The following TPST1 variants were observed in gnomAD, a reference collection of about 807,000 sequenced individuals.
The protein encoded by TPST1 is tyrosylprotein sulfotransferase 1.
Under a neutral mutation model 34.8 loss-of-function variants are expected in TPST1, and 20 were observed. The ratio of observed to expected loss-of-function variants is 0.57; its 90% CI spans 0.40 to 0.84. TPST1 has a LOEUF of 0.84. TPST1 is among the 40% of genes least tolerant of loss of function. The pLI is 0.00. For synonymous variants in TPST1, 152 were observed against 159.4 expected, an observed-to-expected ratio of 0.95 and a Z score of 0.35; for missense variants, 353 against 455.5, an observed-to-expected ratio of 0.78 and a Z score of 2.05.
intron 2 of TPST1, among the ~76,000 whole-genome samples, chr7:66,276,112 A>G (rs1163534091): frequency 2.0e-5 from 3 of 151,822 alleles, no homozygotes; most frequent in African/African-American, 7.3e-5. Context: ...TTAAAGTGCA[A>G]TAATTTTAAT....
chr7:66,342,120 A>C (rs1792250392), intron 3 of TPST1, among the ~76,000 whole-genome samples: 1 of 152,224 alleles, frequency 6.6e-6, no homozygotes, highest in African/African-American at 2.4e-5. Flanking sequence ...GAGTAGATGG[A>C]CATGTATCTG....
At chr7:66,245,858 A>G (rs1202734545) in intron 2 of TPST1, among the ~76,000 whole-genome samples, 6 of 152,210 alleles carry the variant, frequency 3.9e-5, no homozygotes, top group Non-Finnish European at 8.8e-5. Flanking sequence ...AGTCTGAAAT[A>G]TCCCAGAAGA....
At chr7:66,325,261 G>A (rs772708577) in intron 3 of TPST1, among the ~76,000 whole-genome samples, 3 of 152,146 alleles carry the variant, frequency 2.0e-5, no homozygotes, top group South Asian at 2.1e-4. Context: ...AACCTCTGCC[G>A]TGATTCAGTG....
chr7:66,322,255 T>C (rs987426305), intron 3 of TPST1, among the ~76,000 whole-genome samples: 6 of 152,206 alleles, frequency 3.9e-5, no homozygotes, highest in African/African-American at 1.4e-4. Flanking sequence ...AAGAAACACA[T>C]GACATAAAAT....
chr7:66,353,339 G>A (rs1036566858), intron 4 of TPST1, among the ~76,000 whole-genome samples: 2 of 151,800 alleles, frequency 1.3e-5, no homozygotes, highest in African/African-American at 2.4e-5. Flanking sequence ...GCATGGTGGC[G>A]AGGCCTCTGG....
At chr7:66,211,067 T>C (rs1233449407) in intron 1 of TPST1, among the ~76,000 whole-genome samples, 3 of 152,034 alleles carry the variant, frequency 2.0e-5, no homozygotes, top group Non-Finnish European at 4.4e-5. Flanking sequence ...TGTGTACATT[T>C]ACCTATTAAA....
chr7:66,271,252 G>A (rs1157330297), intron 2 of TPST1, among the ~76,000 whole-genome samples: 1 of 152,062 alleles, frequency 6.6e-6, no homozygotes, highest in Non-Finnish European at 1.5e-5. Context: ...CTTGCTACCT[G>A]GTATGATAAC....
intron 2 of TPST1, among the ~76,000 whole-genome samples, chr7:66,247,989 GAATATATTTTTGAAA>G (rs72263532): frequency 0.036 from 5,523 of 152,168 alleles, 156 homozygotes; most frequent in East Asian, 0.078. Context: ...TCCCATAGGT[GAATATATTTTTGAAA>G]AATATATTTT....
intron 2 of TPST1, among the ~76,000 whole-genome samples, chr7:66,282,574 A>G (rs1320456123): frequency 6.6e-6 from 1 of 152,184 alleles, no homozygotes; most frequent in Non-Finnish European, 1.5e-5. Flanking sequence ...CTTAGATTAC[A>G]AAACTGGATC....
intron 3 of TPST1, among the ~76,000 whole-genome samples, chr7:66,318,537 G>A (rs2116178103): frequency 6.6e-6 from 1 of 151,702 alleles, no homozygotes; most frequent in East Asian, 1.9e-4. Flanking sequence ...CACGATCTCA[G>A]CTCACTGCAA....
chr7:66,309,009 C>T (rs2116103739), intron 3 of TPST1, among the ~76,000 whole-genome samples: 1 of 151,832 alleles, frequency 6.6e-6, no homozygotes, highest in Admixed American at 6.5e-5. Context: ...AGCACTTCTC[C>T]TGCTCAGTCT....
intron 3 of TPST1, among the ~76,000 whole-genome samples, chr7:66,342,174 A>C (rs1792251512): frequency 6.6e-6 from 1 of 152,234 alleles, no homozygotes. Flanking sequence ...CAGTACCATG[A>C]AACTGTAGAA....
upstream of TPST1, among the ~76,000 whole-genome samples, chr7:66,200,545 G>T (rs1005778888): frequency 2.0e-5 from 3 of 148,744 alleles, no homozygotes; most frequent in Admixed American, 1.4e-4. Context: ...TCAGCCTCCC[G>T]GGTAGCTGGA....
At chr7:66,295,331 CA>C (rs1025909360) in intron 3 of TPST1, among the ~76,000 whole-genome samples, 1 of 152,030 alleles carries the variant, frequency 6.6e-6, no homozygotes, top group Non-Finnish European at 1.5e-5. Context: ...CCCATCTCTA[CA>C]AAAAATACAA....
At chr7:66,243,649 T>A (rs958365058) in intron 2 of TPST1, among the ~76,000 whole-genome samples, 11 of 132,290 alleles carry the variant, frequency 8.3e-5, no homozygotes, top group African/African-American at 3.2e-4. Context: ...TAGAGCCCCA[T>A]GTTGGCCAGA....
chr7:66,297,790 G>A (rs555181442), intron 3 of TPST1, among the ~76,000 whole-genome samples: 1 of 152,254 alleles, frequency 6.6e-6, no homozygotes, highest in African/African-American at 2.4e-5. Context: ...GGTAAAGCCT[G>A]GAATGAATGC....
intron 2 of TPST1, among the ~76,000 whole-genome samples, chr7:66,242,064 T>C (rs1790047406): frequency 6.6e-6 from 1 of 152,238 alleles, no homozygotes; most frequent in Non-Finnish European, 1.5e-5. Flanking sequence ...AGCATTTTGC[T>C]TCTTTTCTTA....
At chr7:66,321,907 G>A (rs1186974111) in intron 3 of TPST1, among the ~76,000 whole-genome samples, 1 of 152,044 alleles carries the variant, frequency 6.6e-6, no homozygotes, top group Non-Finnish European at 1.5e-5. Flanking sequence ...TTCTTTGCCT[G>A]GTTTTCTTTT....
intron 3 of TPST1, among the ~76,000 whole-genome samples, chr7:66,308,686 C>G (rs1229741891): frequency 2.0e-5 from 3 of 152,184 alleles, no homozygotes; most frequent in South Asian, 2.1e-4. Context: ...ATCTATTTCT[C>G]TGACAGCCTT....
Sources: allele counts gnomAD v4.1 joint callset (sites outside exome capture counted in the v4.1 genomes callset), GRCh38; gene constraint gnomAD v4.1.1; transcripts MANE v1.5; gene names NCBI Gene and HGNC (gene_info 2026-07-23, HGNC 2026-07-21).